ZBED6: variants seen among roughly 807,000 people sequenced by gnomAD.
ZBED6 encodes the protein zinc finger BED domain-containing protein 6.
In ZBED6, 40 loss-of-function variants were observed where a neutral mutation model predicts 58.4. The ratio of observed to expected loss-of-function variants is 0.68; its 90% CI spans 0.53 to 0.89. The LOEUF (loss-of-function observed/expected upper bound fraction) is 0.89, where lower values mean the gene tolerates loss of function less well. ZBED6 is among the 40% of genes least tolerant of loss of function. The pLI is 0.00. For synonymous variants in ZBED6, 439 were observed against 350.6 expected, an observed-to-expected ratio of 1.25 and a Z score of -2.82; for missense variants, 1,057 against 1,003.9, an observed-to-expected ratio of 1.05 and a Z score of -0.71.
intron 1 of ZBED6, among the ~76,000 whole-genome samples, chr1:203,812,718 A>G (rs1674933148): frequency 6.6e-6 from 1 of 150,738 alleles, no homozygotes; most frequent in Non-Finnish European, 1.5e-5. Context: ...AGTAGCTGGG[A>G]TTACAGGTGT....
intron 3 of ZBED6, among the ~76,000 whole-genome samples, chr1:203,824,137 G>A (rs1288100733): frequency 6.6e-6 from 1 of 151,964 alleles, no homozygotes; most frequent in Non-Finnish European, 1.5e-5. Flanking sequence ...GCGTGGTGAC[G>A]CAGCCATGTA....
At chr1:203,807,979 C>G (rs985516143) in intron 1 of ZBED6, among the ~76,000 whole-genome samples, 2 of 152,092 alleles carry the variant, frequency 1.3e-5, no homozygotes, top group African/African-American at 4.8e-5. Flanking sequence ...TGGGTTCAAG[C>G]AGTCCTCCTG....
chr1:203,815,340 C>T (rs75077656), intron 1 of ZBED6, among the ~76,000 whole-genome samples: 6,512 of 143,584 alleles, frequency 0.045, 563 homozygotes, highest in East Asian at 0.4. Context: ...TCAGCTCCCC[C>T]GTGTAGCTGG....
chr1:203,805,672 G>T, intron 1 of ZBED6: 1 of 696,368 alleles, frequency 1.4e-6, no homozygotes, highest in Non-Finnish European at 2.7e-6. Context: ...CTCCATCCTT[G>T]TTTTTGTGAC....
intron 16 of ZBED6, 130 bp from the exon 17 acceptor site, chr1:203,852,011 A>C: frequency 1.5e-6 from 1 of 673,208 alleles, no homozygotes; most frequent in Non-Finnish European, 2.4e-6. Context: ...ATCCCAAATC[A>C]GTAAAAGAAT....
At chr1:203,839,130 G>A (rs997651637) in intron 10 of ZBED6, among the ~76,000 whole-genome samples, 1 of 152,156 alleles carries the variant, frequency 6.6e-6, no homozygotes, top group African/African-American at 2.4e-5. Flanking sequence ...ATAAGACGAG[G>A]TAGTGGCATA....
chr1:203,806,221 G>A lies in ZBED6; in HGVS notation c.*2554+3205G>A, dbSNP rs1672287978. The A allele has an allele frequency of 3.8e-5, 15 of 390,834 alleles. 1 individual carries two copies. The highest frequency in any genetic ancestry group is 3.1e-4 in the South Asian group (15 of 47,998). The allele number at this position is 390,834 out of a possible 1,614,324, so 24.2% of individuals were successfully genotyped here. On this transcript the variant is annotated intron_variant, in intron 1 of 16. Coordinates refer to ENST00000550078, the Ensembl canonical transcript of ZBED6. The stretch of plus-strand genomic sequence containing the variant: ...CATGCCAATGCAGTCATTCAGGCTG[G>A]GCAGCGGAGCCTTAATTTCACTTTC...
At chr1:203,812,793 G>A (rs1156889506) in intron 1 of ZBED6, among the ~76,000 whole-genome samples, 1 of 151,996 alleles carries the variant, frequency 6.6e-6, no homozygotes, top group Non-Finnish European at 1.5e-5. Context: ...TGTTTGCCAA[G>A]CTCGTCTTGA....
At chr1:203,797,530 T>C (rs1668954932) in exon 1 of ZBED6, 1 of 1,512,150 alleles carries the variant, frequency 6.6e-7, no homozygotes, top group African/African-American at 1.4e-5. Context: ...AGAATGAGTG[T>C]ATGTACTCTA....
At chr1:203,852,025 T>G in intron 16 of ZBED6, 116 bp from the exon 17 acceptor site, 1 of 988,582 alleles carries the variant, frequency 1.0e-6, no homozygotes, top group Non-Finnish European at 1.5e-6. Flanking sequence ...AAAGAATTAT[T>G]TCTTTATGTA....
intron 10 of ZBED6, among the ~76,000 whole-genome samples, chr1:203,839,779 T>C (rs1685501273): frequency 6.6e-6 from 1 of 152,148 alleles, no homozygotes; most frequent in Non-Finnish European, 1.5e-5. Flanking sequence ...TTTTCAGATA[T>C]AAAGTACGTT....
chr1:203,819,155 C>T (rs1435735208), intron 3 of ZBED6, among the ~76,000 whole-genome samples: 2 of 146,178 alleles, frequency 1.4e-5, no homozygotes, highest in African/African-American at 5.3e-5. Context: ...TGTATATACA[C>T]ACACGTGTAT....
chr1:203,805,776 C>G (rs1672117133), intron 1 of ZBED6: 1 of 699,922 alleles, frequency 1.4e-6, no homozygotes, highest in Non-Finnish European at 2.7e-6. Flanking sequence ...GTGTATCCAA[C>G]TCTGCTTCTA....
At position 203,829,926 on chromosome 1, in the gene ZBED6, T is replaced by G. The variant is rs368118849; in HGVS notation, c.*3318+30T>G. 3.1e-6 allele frequency: 5 copies of G among 1,587,422 alleles called. No homozygotes were observed. In the African/African-American group the frequency reaches 6.7e-5, roughly 21 times the overall value. ...GAAGAGGCTAGATTGGTGCCTCTTA[T>G]AGCACTGTTGAAACTACCTTTGAAA... On this transcript the variant is annotated intron_variant, in intron 6 of 16. Transcript: ENST00000550078.
exon 1 of ZBED6, chr1:203,798,690 A>G: frequency 6.5e-7 from 1 of 1,536,146 alleles, no homozygotes; most frequent in Non-Finnish European, 8.7e-7. Flanking sequence ...AGAGCAAGGC[A>G]CTCTGATGCG....
chr1:203,825,393 G>A (rs1680175063), intron 3 of ZBED6, among the ~76,000 whole-genome samples: 1 of 148,502 alleles, frequency 6.7e-6, no homozygotes, highest in Non-Finnish European at 1.5e-5. Context: ...AAAATGTGAA[G>A]ACATAATTAT....
At chr1:203,803,224 T>C (rs2102452266) in intron 1 of ZBED6, among the ~76,000 whole-genome samples, 1 of 152,336 alleles carries the variant, frequency 6.6e-6, no homozygotes, top group South Asian at 2.1e-4. Context: ...GGAGTTTTAC[T>C]CTTGTCCCCT....
At chr1:203,840,125 G>C (rs1685636092) in intron 10 of ZBED6, among the ~76,000 whole-genome samples, 181 bp from the exon 11 acceptor site, 1 of 151,892 alleles carries the variant, frequency 6.6e-6, no homozygotes, top group Non-Finnish European at 1.5e-5. Flanking sequence ...TTTTAGTAGA[G>C]ATGGGGTTTC....
intron 3 of ZBED6, among the ~76,000 whole-genome samples, chr1:203,827,249 A>G (rs539843242): frequency 3.3e-5 from 5 of 152,322 alleles, no homozygotes; most frequent in Admixed American, 2.0e-4. Flanking sequence ...ATTGCTGTGA[A>G]CATTGCTTAT....
Sources: allele counts gnomAD v4.1 joint callset (sites outside exome capture counted in the v4.1 genomes callset), GRCh38; gene constraint gnomAD v4.1.1; transcripts MANE v1.5; gene names NCBI Gene and HGNC (gene_info 2026-07-23, HGNC 2026-07-21).